Variants in PODN observed in about 807,000 individuals in gnomAD.
PODN encodes the protein podocan proteoglycan.
In PODN, 40 loss-of-function variants were observed where a neutral mutation model predicts 52.7. The observed-to-expected ratio is 0.76, with a 90% CI of 0.59 to 0.99. The LOEUF (loss-of-function observed/expected upper bound fraction) is 0.99, where lower values mean the gene tolerates loss of function less well. Ranked by LOEUF, PODN falls within the 50% of genes least tolerant of loss-of-function variation. PODN has a pLI of 0.00. For missense variants in PODN, 720 were observed against 815.1 expected, an observed-to-expected ratio of 0.88 and a Z score of 1.42; for synonymous variants, 396 against 377.9, an observed-to-expected ratio of 1.05 and a Z score of -0.56.
intron 1 of PODN, among the ~76,000 whole-genome samples, chr1:53,068,894 G>C (rs1468987560): frequency 1.3e-5 from 2 of 152,208 alleles, no homozygotes; most frequent in African/African-American, 4.8e-5. Flanking sequence ...GGCCATGCCA[G>C]GGAGTGGTCT....
Position 53,077,371 on chromosome 1 carries a change from G to T in PODN, c.738+25G>T, listed in dbSNP as rs773296706. The T allele has an allele frequency of 1.9e-6, 3 of 1,610,968 alleles. No individual in the cohort carries two copies. In the South Asian group the frequency reaches 3.3e-5, roughly 18 times the overall value. Reference sequence around the variant, plus strand: ...GGTGGGCAGGGGAGGGGTAAGGAGGGGCACAGCAGACCCCACAGCCAGGGC... The same window carrying T: ...GGTGGGCAGGGGAGGGGTAAGGAGGTGCACAGCAGACCCCACAGCCAGGGC... On this transcript the variant is annotated intron_variant, in intron 6 of 10. Transcript: ENST00000312553.
chr1:53,069,732 C>A (rs946917911), intron 1 of PODN, 69 bp from the exon 2 acceptor site: 5 of 1,509,056 alleles, frequency 3.3e-6, no homozygotes, highest in African/African-American at 1.4e-5. Context: ...AGAGTGGGCC[C>A]TGCTTTGTGC....
Position 53,066,899 on chromosome 1 carries a change from C to T in PODN, c.-55-2902C>T, listed in dbSNP as rs575509886. 1,974 of 1,537,648 alleles carry T rather than the reference C, an allele frequency of 1.3e-3. 4 individuals carry two copies. The highest frequency in any genetic ancestry group is 1.7e-3 in the Non-Finnish European group (1,880 of 1,136,190). On this transcript the variant is annotated intron_variant, in intron 1 of 10. Coordinates refer to ENST00000312553, the MANE Select transcript of PODN (RefSeq NM_153703.5). Reference sequence around the variant, plus strand: ...GCACAGGATATGTGAGACCAGAGCTCCTTCCCCTGGATTCTTCTCCTTGGC... The same window carrying T: ...GCACAGGATATGTGAGACCAGAGCTTCTTCCCCTGGATTCTTCTCCTTGGC...
chr1:53,079,032 A>G lies in PODN; in HGVS notation c.1512+10A>G, dbSNP rs1319173262. On this transcript the variant is annotated intron_variant, in intron 8 of 10. Coordinates refer to ENST00000312553, the MANE Select transcript of PODN (RefSeq NM_153703.5). Reference sequence around the variant, plus strand: ...CCTCGCCCATCTGCAGGTAAGCGGAAGGGAGGGGGCTGAGCCATGCCCATG... The same window carrying G: ...CCTCGCCCATCTGCAGGTAAGCGGAGGGGAGGGGGCTGAGCCATGCCCATG... 1.3e-6 allele frequency: 2 copies of G among 1,524,246 alleles called. No homozygotes were observed. Among genetic ancestry groups the G allele is most frequent in the East Asian group, 2.4e-5 (1 of 41,548 alleles). 94.4% of individuals were successfully genotyped at this position (1,524,246 alleles called of 1,614,324 possible).
chr1:53,064,433 G>A (rs986695535), intron 1 of PODN, among the ~76,000 whole-genome samples: 2 of 152,226 alleles, frequency 1.3e-5, no homozygotes, highest in Non-Finnish European at 2.9e-5. Context: ...ATAGAAAGAC[G>A]AACATGTAGT....
intron 1 of PODN, among the ~76,000 whole-genome samples, chr1:53,062,692 A>G (rs1025919604): frequency 6.6e-6 from 1 of 152,118 alleles, no homozygotes; most frequent in East Asian, 1.9e-4. Context: ...GACCCCTGTC[A>G]TGAGAGCCTG....
rs181349615 is a variant in PODN, at chr1:53,063,044, G to A, written c.-56+736G>A. On this transcript the variant is annotated intron_variant, in intron 1 of 10. Transcript: ENST00000312553. Reference sequence around the variant, plus strand: ...GCGAGATCCGCGCCTTCCTGCGAATGAGGCAGAAGCCCCAGGTTCCAGGTC... The same window carrying A: ...GCGAGATCCGCGCCTTCCTGCGAATAAGGCAGAAGCCCCAGGTTCCAGGTC... 1.1e-3 allele frequency among the ~76,000 whole-genome samples: 173 copies of A among 152,326 alleles called. 1 individual carries two copies. Among genetic ancestry groups the A allele is most frequent in the African/African-American group, 4.1e-3 (170 of 41,572 alleles).
In PODN at chr1:53,069,869, G is replaced by A. The variant is rs753597598; in HGVS notation, c.14G>A (p.Arg5Gln). The A allele has an allele frequency of 7.3e-5, 115 of 1,568,810 alleles. No homozygotes were observed. The highest frequency in any genetic ancestry group is 9.1e-5 in the Non-Finnish European group (105 of 1,157,574). Residue 5 changes from arginine (R) to glutamine (Q), a missense_variant, in exon 2 of 11, where the codon CGG becomes CAG. By Grantham distance (43) the Arg-to-Gln change is conservative (BLOSUM62 1). Coordinates refer to ENST00000312553, the MANE Select transcript of PODN (RefSeq NM_153703.5). MAQSRVLLLLLLLPP... is the reference protein window; with the variant it reads MAQSQVLLLLLLLPP... ...CCTGCAGGCACCATGGCCCAGAGCC[G>A]GGTGCTGCTGCTCCTGCTGCTGCTG...
At chr1:53,066,905 C>G (rs1644041612) in intron 1 of PODN, 1 of 1,531,910 alleles carries the variant, frequency 6.5e-7, no homozygotes, top group Non-Finnish European at 8.8e-7. Flanking sequence ...AGCTCCTTCC[C>G]CTGGATTCTT....
intron 4 of PODN, 143 bp downstream of exon 4, chr1:53,074,813 G>T: frequency 2.3e-6 from 1 of 443,648 alleles, no homozygotes; most frequent in Non-Finnish European, 4.5e-6. Flanking sequence ...TGGGTCGGGG[G>T]TGGGGGAGAC....
Position 53,071,475 on chromosome 1 carries a change from G to A in PODN, c.313-60G>A. The A allele has an allele frequency of 9.4e-6, 13 of 1,378,334 alleles. No individual in the cohort carries two copies. The South Asian group carries it at 1.3e-4, about 13-fold the overall frequency. 85.4% of individuals were successfully genotyped at this position (1,378,334 alleles called of 1,614,324 possible). On this transcript the variant is annotated intron_variant, in intron 2 of 10. Transcript: ENST00000312553. Reference sequence around the variant, plus strand: ...GGACTGGAGCTATGGGTAGGGAATGGAGTCCAGGGCACACCCCACTAGGCT... The same window carrying A: ...GGACTGGAGCTATGGGTAGGGAATGAAGTCCAGGGCACACCCCACTAGGCT...
At chr1:53,070,196 G>A (rs540060841) in intron 2 of PODN, 29 bp downstream of exon 2, 8 of 1,597,922 alleles carry the variant, frequency 5.0e-6, no homozygotes, top group African/African-American at 2.7e-5. Context: ...CTGTGGTCAC[G>A]GGGGCTGTCC....
intron 5 of PODN, 64 bp from the exon 6 acceptor site, chr1:53,077,126 C>T: frequency 6.3e-6 from 10 of 1,577,932 alleles, no homozygotes; most frequent in Non-Finnish European, 7.8e-6. Flanking sequence ...TAGAGGCTCA[C>T]CAGTTGAGCT....
intron 1 of PODN, among the ~76,000 whole-genome samples, chr1:53,067,039 G>A (rs1021135596): frequency 1.3e-5 from 2 of 152,158 alleles, no homozygotes; most frequent in Non-Finnish European, 2.9e-5. Flanking sequence ...AGCTGGCCGT[G>A]GAGTTTATGA....
At position 53,078,366 on chromosome 1, in the gene PODN, A is replaced by G; in HGVS notation, c.856A>G (p.Lys286Glu). Residue 286 changes from lysine (K) to glutamate (E), a missense_variant and splice_region_variant, in exon 8 of 11, where the codon AAG (lysine) becomes GAG (glutamate). By Grantham distance (56) the Lys-to-Glu change is moderately conservative. Coordinates refer to ENST00000312553, the MANE Select transcript of PODN (RefSeq NM_153703.5). Reference sequence around the variant, plus strand: ...GTCCTAATTCCCTCCCTGCCCCAGGAAGCTCTCCAGCCTGGAGTACCTGGA... The same window carrying G: ...GTCCTAATTCCCTCCCTGCCCCAGGGAGCTCTCCAGCCTGGAGTACCTGGA... ...DEGLDNETFW[K>E]LSSLEYLDLS... 6.2e-7 allele frequency: 1 copy of G among 1,606,734 alleles called. No homozygotes were observed. Among genetic ancestry groups the G allele is most frequent in the Non-Finnish European group, 8.5e-7 (1 of 1,174,364 alleles).
rs369900858 is a variant in PODN at position 53,080,891 on chromosome 1, G to T, written c.1661+15G>T. 8.1e-6 allele frequency: 13 copies of T among 1,613,368 alleles called. 1 individual carries two copies. The highest frequency in any genetic ancestry group is 1.7e-5 in the Admixed American group (1 of 60,002). On this transcript the variant is annotated intron_variant, in intron 9 of 10. Transcript: ENST00000312553. ...ATCTTTCTCAGGTAGGAGCCCACTC[G>T]CGGCCCTGTACACACCCCCGTGGGG...
At position 53,084,939 on chromosome 1, in the gene PODN, A is replaced by T. The variant is rs540830621; in HGVS notation, c.*454A>T. ...AACAGCCCTCCAAAGCCTATGCCAC[A>T]GACAGCTCTTGCCCCAGCCAGAATC... On this transcript the variant is annotated 3_prime_UTR_variant, in exon 11 of 11. Transcript: ENST00000312553. The T allele has an allele frequency of 6.5e-6, 1 of 152,790 alleles. No individual in the cohort carries two copies. The highest frequency in any genetic ancestry group is 1.9e-4 in the East Asian group (1 of 5,190). The allele number at this position is 152,790 out of a possible 1,614,324, so 9.5% of individuals were successfully genotyped here.
intron 1 of PODN, among the ~76,000 whole-genome samples, chr1:53,067,182 G>A (rs1397197127): frequency 6.6e-6 from 1 of 152,128 alleles, no homozygotes; most frequent in African/African-American, 2.4e-5. Context: ...CTGGAGCCTG[G>A]AAGCTGCAGG....
chr1:53,079,326 G>A (rs574993472), intron 8 of PODN, among the ~76,000 whole-genome samples: 2 of 152,340 alleles, frequency 1.3e-5, no homozygotes, highest in South Asian at 4.1e-4. Flanking sequence ...ACCGAGCTGA[G>A]CTCATCACCT....
Sources: allele counts gnomAD v4.1 joint callset (sites outside exome capture counted in the v4.1 genomes callset), GRCh38; gene constraint gnomAD v4.1.1; transcripts MANE v1.5; gene names NCBI Gene and HGNC (gene_info 2026-07-23, HGNC 2026-07-21).